The following PTPRM variants were observed in gnomAD, a reference collection of about 807,000 sequenced individuals.
PTPRM encodes the protein protein tyrosine phosphatase receptor type M.
In PTPRM, 47 loss-of-function variants were observed where a neutral mutation model predicts 186.7. The ratio of observed to expected loss-of-function variants is 0.25; its 90% CI spans 0.20 to 0.32. PTPRM has a LOEUF of 0.32. Ranked by LOEUF, PTPRM falls within the 10% of genes least tolerant of loss-of-function variation. The pLI is 1.00. For synonymous variants in PTPRM, 668 were observed against 674.9 expected (o/e 0.99, Z 0.16); for missense variants, 1,494 against 1,865.0 (o/e 0.80, Z 3.66).
chr18:7,621,215 A>G (rs2037929995), intron 1 of PTPRM, among the ~76,000 whole-genome samples: 1 of 152,200 alleles, frequency 6.6e-6, no homozygotes, highest in Non-Finnish European at 1.5e-5. Context: ...AAGGTCACAT[A>G]GCTAATAATT....
chr18:7,703,754 T>C (rs1446845064), intron 1 of PTPRM, among the ~76,000 whole-genome samples: 2 of 152,172 alleles, frequency 1.3e-5, no homozygotes. Flanking sequence ...TTGTGCCAGT[T>C]TTCAAAGGGA....
intron 1 of PTPRM, among the ~76,000 whole-genome samples, chr18:7,759,716 T>C (rs1284320463): frequency 6.6e-6 from 1 of 152,236 alleles, no homozygotes; most frequent in Admixed American, 6.5e-5. Context: ...AATATTTTTT[T>C]GGAGTAGCTG....
At chr18:8,146,908 T>A (rs2092900528) in intron 14 of PTPRM, among the ~76,000 whole-genome samples, 1 of 152,206 alleles carries the variant, frequency 6.6e-6, no homozygotes, top group Admixed American at 6.5e-5. Context: ...AAATAGGGAA[T>A]CTTTTCCCCA....
At chr18:7,917,053 G>C (rs1054646056) in intron 4 of PTPRM, among the ~76,000 whole-genome samples, 1 of 152,026 alleles carries the variant, frequency 6.6e-6, no homozygotes, top group Admixed American at 6.6e-5. Flanking sequence ...TCTGTGCCTG[G>C]CTTTTATCAC....
chr18:7,623,238 G>A (rs554014922), intron 1 of PTPRM, among the ~76,000 whole-genome samples: 15 of 152,056 alleles, frequency 9.9e-5, no homozygotes, highest in Non-Finnish European at 1.6e-4. Flanking sequence ...GGAAAAATAT[G>A]TATTGGGTGT....
intron 7 of PTPRM, among the ~76,000 whole-genome samples, chr18:8,063,677 T>C (rs2088814620): frequency 6.6e-6 from 1 of 152,172 alleles, no homozygotes; most frequent in Non-Finnish European, 1.5e-5. Flanking sequence ...AGTCATGCAA[T>C]ATGGATATAT....
At chr18:8,374,903 T>C (rs1313328856) in intron 24 of PTPRM, among the ~76,000 whole-genome samples, 1 of 152,186 alleles carries the variant, frequency 6.6e-6, no homozygotes, top group East Asian at 1.9e-4. Flanking sequence ...TGATTGATGG[T>C]GAAAGTGATG....
At chr18:7,948,009 T>C (rs1847426509) in intron 5 of PTPRM, among the ~76,000 whole-genome samples, 1 of 152,062 alleles carries the variant, frequency 6.6e-6, no homozygotes, top group Admixed American at 6.5e-5. Flanking sequence ...ATAACGGACA[T>C]AGTGCTTGGG....
chr18:7,805,486 C>A (rs1027793641), intron 2 of PTPRM, among the ~76,000 whole-genome samples: 1 of 152,204 alleles, frequency 6.6e-6, no homozygotes, highest in Non-Finnish European at 1.5e-5. Context: ...AAAAAACTTT[C>A]TAAAACACTA....
chr18:8,391,320 A>C (rs1352001547), intron 31 of PTPRM, among the ~76,000 whole-genome samples: 1 of 152,238 alleles, frequency 6.6e-6, no homozygotes, highest in Non-Finnish European at 1.5e-5. Flanking sequence ...GTTTACTCAT[A>C]ATATTTAAAA....
intron 14 of PTPRM, among the ~76,000 whole-genome samples, chr18:8,172,564 A>G (rs61656974): frequency 0.077 from 11,777 of 152,134 alleles, 748 homozygotes; most frequent in Middle Eastern, 0.2. Flanking sequence ...AATCTATACA[A>G]GTTCCCCCAG....
chr18:7,673,667 A>G (rs1045863144), intron 1 of PTPRM, among the ~76,000 whole-genome samples: 11 of 152,244 alleles, frequency 7.2e-5, no homozygotes, highest in Non-Finnish European at 1.5e-4. Context: ...AAAGGAAGAG[A>G]ATAAAAATGG....
intron 7 of PTPRM, among the ~76,000 whole-genome samples, chr18:7,960,472 T>TACAC (rs1489255842): frequency 3.7e-5 from 4 of 108,640 alleles, no homozygotes; most frequent in African/African-American, 1.6e-4. Context: ...TATATATATA[T>TACAC]ATATATATAC....
At chr18:7,787,979 GA>G (rs1466226842) in intron 2 of PTPRM, among the ~76,000 whole-genome samples, 4 of 152,184 alleles carry the variant, frequency 2.6e-5, no homozygotes, top group African/African-American at 9.7e-5. Flanking sequence ...TTATGATCAT[GA>G]AAATAGTTTT....
Position 7,978,302 on chromosome 18 carries a change from C to T in PTPRM, c.1132+22888C>T, listed in dbSNP as rs79467327. Among the ~76,000 whole-genome samples, 565 of 152,226 alleles carry T rather than the reference C, an allele frequency of 3.7e-3. 2 individuals carry two copies. The highest frequency in any genetic ancestry group is 0.013 in the African/African-American group (535 of 41,544). On this transcript the variant is annotated intron_variant, in intron 7 of 32. Coordinates refer to ENST00000580170, the MANE Select transcript of PTPRM (RefSeq NM_001105244.2). ...ATAAGCTGACAGGGTTATTCAACAC[C>T]GAGAGATATTTATCTGCCAGGGTCA...
chr18:7,926,549 A>C lies in PTPRM; in HGVS notation c.548-19A>C, dbSNP rs756314662. On this transcript the variant is annotated intron_variant, in intron 4 of 32. Transcript: ENST00000580170. Reference sequence around the variant, plus strand: ...CAAATCTCCACTTTTAATATCTTTCATTCTTTTTCTTTATGTAGCCAGGAC... The same window carrying C: ...CAAATCTCCACTTTTAATATCTTTCCTTCTTTTTCTTTATGTAGCCAGGAC... 40 of 1,572,146 alleles carry C rather than the reference A, an allele frequency of 2.5e-5. 1 individual carries two copies. Among genetic ancestry groups the C allele is most frequent in the South Asian group, 2.2e-4 (19 of 87,416 alleles).
chr18:7,635,102 T>C (rs889826248), intron 1 of PTPRM, among the ~76,000 whole-genome samples: 2 of 152,156 alleles, frequency 1.3e-5, no homozygotes, highest in African/African-American at 4.8e-5. Context: ...AGTAGCTAAA[T>C]ATAAAAAAGA....
At chr18:8,046,328 T>C (rs2087050756) in intron 7 of PTPRM, among the ~76,000 whole-genome samples, 1 of 152,228 alleles carries the variant, frequency 6.6e-6, no homozygotes, top group Non-Finnish European at 1.5e-5. Context: ...TAGTGAAATC[T>C]TCACTTGTCT....
intron 2 of PTPRM, among the ~76,000 whole-genome samples, chr18:7,868,988 G>T (rs1438580402): frequency 6.6e-6 from 1 of 152,162 alleles, no homozygotes; most frequent in African/African-American, 2.4e-5. Flanking sequence ...CAGTGTCTTT[G>T]TTTATGTTGT....
Sources: allele counts gnomAD v4.1 joint callset (sites outside exome capture counted in the v4.1 genomes callset), GRCh38; gene constraint gnomAD v4.1.1; transcripts MANE v1.5; gene names NCBI Gene and HGNC (gene_info 2026-07-23, HGNC 2026-07-21).